Variants in CDC42BPB observed in about 807,000 individuals in gnomAD.
CDC42BPB encodes the protein CDC42 binding protein kinase beta.
Under a neutral mutation model 214.9 loss-of-function variants are expected in CDC42BPB, and 37 were observed. The observed-to-expected ratio is 0.17, with a 90% confidence interval of 0.13 to 0.23. CDC42BPB has a LOEUF of 0.23. CDC42BPB is among the 10% of genes least tolerant of loss of function. CDC42BPB has a pLI of 1.00. For synonymous variants in CDC42BPB, 931 were observed against 884.0 expected, an observed-to-expected ratio of 1.05 and a Z score of -0.94; for missense variants, 1,694 against 2,227.0, an observed-to-expected ratio of 0.76 and a Z score of 4.82.
At chr14:103,033,113 C>A (rs757797152) in intron 1 of CDC42BPB, among the ~76,000 whole-genome samples, 7 of 152,208 alleles carry the variant, frequency 4.6e-5, no homozygotes, top group Non-Finnish European at 7.4e-5. Flanking sequence ...CTAAAATAAT[C>A]CTTTTTGGGG....
chr14:103,023,198 C>T (rs1886868232), intron 1 of CDC42BPB, among the ~76,000 whole-genome samples: 1 of 144,170 alleles, frequency 6.9e-6, no homozygotes. Flanking sequence ...GATGGAGTCT[C>T]ACTCCATCAC....
chr14:103,021,133 G>A (rs1886747445), intron 1 of CDC42BPB, among the ~76,000 whole-genome samples: 1 of 152,186 alleles, frequency 6.6e-6, no homozygotes, highest in African/African-American at 2.4e-5. Flanking sequence ...TGCAACTTGA[G>A]ACTTTAGAGG....
At chr14:102,987,406 A>T (rs1894291076) in intron 5 of CDC42BPB, among the ~76,000 whole-genome samples, 1 of 152,224 alleles carries the variant, frequency 6.6e-6, no homozygotes, top group African/African-American at 2.4e-5. Context: ...CAAACTTTAA[A>T]AACAAAGACA....
intron 1 of CDC42BPB, among the ~76,000 whole-genome samples, chr14:103,053,316 C>T (rs1004923749): frequency 2.0e-5 from 3 of 151,584 alleles, no homozygotes; most frequent in African/African-American, 7.3e-5. Flanking sequence ...CACTGCACTT[C>T]AGCCTGGGCA....
intron 36 of CDC42BPB, among the ~76,000 whole-genome samples, chr14:102,934,521 G>A (rs1008623354): frequency 6.6e-6 from 1 of 151,984 alleles, no homozygotes; most frequent in Non-Finnish European, 1.5e-5. Context: ...GCGACAGAGC[G>A]AGACTCCGTC....
At chr14:103,052,068 C>T (rs1334737063) in intron 1 of CDC42BPB, among the ~76,000 whole-genome samples, 1 of 151,918 alleles carries the variant, frequency 6.6e-6, no homozygotes, top group Admixed American at 6.6e-5. Flanking sequence ...TCTCAAACTC[C>T]TGATCCACTC....
chr14:103,003,038 AC>A (rs1895062401), intron 4 of CDC42BPB, among the ~76,000 whole-genome samples: 1 of 152,162 alleles, frequency 6.6e-6, no homozygotes, highest in South Asian at 2.1e-4. Context: ...TCAGGTGGAC[AC>A]GCACGTTGGC....
chr14:103,000,650 A>C (rs576159769), intron 4 of CDC42BPB, among the ~76,000 whole-genome samples: 16 of 152,350 alleles, frequency 1.1e-4, no homozygotes, highest in African/African-American at 2.4e-4. Context: ...CTGGACAGCT[A>C]GCTTTTAACT....
At chr14:102,976,978 C>T (rs1206627998) in intron 9 of CDC42BPB, among the ~76,000 whole-genome samples, 16 of 152,166 alleles carry the variant, frequency 1.1e-4, no homozygotes, top group Admixed American at 1.0e-3. Context: ...GCAGCTGCCA[C>T]TTTGGCTTAT....
At chr14:103,029,858 C>CAAAAAAAAAAAAAAAAAAAA (rs11299296) in intron 1 of CDC42BPB, among the ~76,000 whole-genome samples, 1 of 62,360 alleles carries the variant, frequency 1.6e-5, no homozygotes, top group African/African-American at 6.1e-5. Context: ...ACTCCATCTC[C>CAAAAAAAAAAAAAAAAAAAA]AAAAAAAAAA....
chr14:102,973,925 C>G, intron 12 of CDC42BPB, 91 bp downstream of exon 12: 1 of 1,460,682 alleles, frequency 6.8e-7, no homozygotes, highest in Non-Finnish European at 9.2e-7. Context: ...GGCAGGAGTC[C>G]CAAGAGGTCT....
At chr14:102,966,788 C>T (rs1052661715) in intron 17 of CDC42BPB, among the ~76,000 whole-genome samples, 7 of 152,216 alleles carry the variant, frequency 4.6e-5, no homozygotes, top group African/African-American at 1.7e-4. Context: ...TCTGCCTCCC[C>T]TGTCTCTGAG....
At chr14:103,016,043 C>T (rs1886439401) in intron 1 of CDC42BPB, among the ~76,000 whole-genome samples, 1 of 152,130 alleles carries the variant, frequency 6.6e-6, no homozygotes, top group Non-Finnish European at 1.5e-5. Flanking sequence ...AACTTAGAAA[C>T]CTGGACAAAG....
At position 102,954,064 on chromosome 14, in the gene CDC42BPB, G is replaced by A. The variant is rs1211292881; in HGVS notation, c.3066+134C>T. On this transcript the variant is annotated intron_variant, in intron 23 of 36. Coordinates refer to ENST00000361246, the MANE Select transcript of CDC42BPB (RefSeq NM_006035.4). ...TCTCAACAACTTTCCTACAGAACAT[G>A]AGGGTCGCTACTGTGTGTATGCAAA... is the stretch of plus-strand genomic sequence containing the variant. 1.2e-5 allele frequency: 8 copies of A among 677,870 alleles called. No homozygotes were observed. The Admixed American group carries it at 1.8e-4, about 15-fold the overall frequency. The allele number at this position is 677,870 out of a possible 1,614,324, so 42.0% of individuals were successfully genotyped here. A position where few individuals can be genotyped will look rare whatever the true frequency, so the allele number is the denominator to read the frequency against.
At chr14:103,011,794 AAC>A (rs1354622788) in intron 2 of CDC42BPB, among the ~76,000 whole-genome samples, 1 of 152,072 alleles carries the variant, frequency 6.6e-6, no homozygotes, top group Non-Finnish European at 1.5e-5. Flanking sequence ...TTTTGGTCCC[AAC>A]AATCTCCCAG....
In CDC42BPB at chr14:102,954,210, C is replaced by G; in HGVS notation, c.3054G>C (p.Leu1018=). 1 of 1,549,696 alleles carries G rather than the reference C, an allele frequency of 6.5e-7. No homozygotes were observed. Among genetic ancestry groups the G allele is most frequent in the Non-Finnish European group, 8.7e-7 (1 of 1,146,518 alleles). The part of the protein sequence containing the change: ...VPLPTTQALA[L]AGPKPKAHQF... ...GCAAGGCCCCTACCTTCGGTCCAGC[C>G]AGAGCCAGGGCCTGCGTGGTGGGCA... Residue 1018 remains leucine, a synonymous_variant, in exon 23 of 37, where the codon CTG becomes CTC. Coordinates refer to ENST00000361246, the MANE Select transcript of CDC42BPB (RefSeq NM_006035.4).
At position 102,933,865 on chromosome 14, in the gene CDC42BPB, G is replaced by A. The variant is rs572178376; in HGVS notation, c.5005-22C>T. On this transcript the variant is annotated intron_variant, in intron 36 of 36. Transcript: ENST00000361246. ...CAGGCTGTGAACAGGAAGAGGGCAG[G>A]GTGAGCACCCGCTGCCCTAGCCTGG... 4.7e-5 allele frequency: 71 copies of A among 1,502,024 alleles called. No homozygotes were observed. The South Asian group carries it at 9.1e-4, about 19-fold the overall frequency. 93.0% of individuals were successfully genotyped at this position (1,502,024 alleles called of 1,614,324 possible). A position where few individuals can be genotyped will look rare whatever the true frequency, so the allele number is the denominator to read the frequency against.
Position 102,943,767 on chromosome 14 carries a change from C to A in CDC42BPB, c.4408+124G>T. 1 of 836,098 alleles carries A rather than the reference C, an allele frequency of 1.2e-6. No individual in the cohort carries two copies. The highest frequency in any genetic ancestry group is 1.8e-6 in the Non-Finnish European group (1 of 541,706). 51.8% of individuals were successfully genotyped at this position (836,098 alleles called of 1,614,324 possible). A position where few individuals can be genotyped will look rare whatever the true frequency, so the allele number is the denominator to read the frequency against. On this transcript the variant is annotated intron_variant, in intron 30 of 36. Coordinates refer to ENST00000361246, the MANE Select transcript of CDC42BPB (RefSeq NM_006035.4). The surrounding 1 kb of genome is among the most constrained non-coding windows in gnomAD (Gnocchi z 4.6). ...CTGCGGGCTGGCATGGGGCCCACCT[C>A]TCCCGATGCTCTGTGACTACTCAAC...
At chr14:103,016,466 C>T (rs574680356) in intron 1 of CDC42BPB, among the ~76,000 whole-genome samples, 39 of 75,150 alleles carry the variant, frequency 5.2e-4, no homozygotes, top group South Asian at 4.2e-3. Flanking sequence ...ACATCAGTGC[C>T]GGTGAAGCAG....
Sources: allele counts gnomAD v4.1 joint callset (sites outside exome capture counted in the v4.1 genomes callset), GRCh38; gene constraint gnomAD v4.1.1; non-coding constraint Gnocchi (gnomAD v3.1); transcripts MANE v1.5; gene names NCBI Gene and HGNC (gene_info 2026-07-23, HGNC 2026-07-21).